CCNL1: variants seen among roughly 807,000 people sequenced by gnomAD.
CCNL1 encodes cyclin L1, also known as cyclin-L1.
CCNL1 carries 13 observed loss-of-function variants against 60.6 expected under a neutral mutation model. That is an observed-to-expected ratio of 0.21 (90% CI 0.14 to 0.34). CCNL1 has a LOEUF of 0.34. CCNL1 is among the 10% of genes least tolerant of loss of function. The pLI, the probability that CCNL1 is intolerant of heterozygous loss-of-function variation, is 1.00. For synonymous variants in CCNL1, 270 were observed against 244.3 expected, an observed-to-expected ratio of 1.10 and a Z score of -0.98; for missense variants, 481 against 664.3, an observed-to-expected ratio of 0.72 and a Z score of 3.03.
At chr3:157,157,174 A>G in intron 3 of CCNL1, 1 of 1,118,302 alleles carries the variant, frequency 8.9e-7, no homozygotes, top group Admixed American at 2.3e-5. Flanking sequence ...GCATAGAAAC[A>G]CTTTTACATC....
intron 5 of CCNL1, chr3:157,151,168 T>C (rs948989644): frequency 3.0e-6 from 3 of 983,830 alleles, no homozygotes; most frequent in Non-Finnish European, 2.4e-6. Context: ...TAAAATGTCA[T>C]GCATTTTATA....
At chr3:157,157,520 T>C (rs1738712244) in intron 3 of CCNL1, among the ~76,000 whole-genome samples, 1 of 152,232 alleles carries the variant, frequency 6.6e-6, no homozygotes, top group Non-Finnish European at 1.5e-5. Context: ...GATAGAGCCT[T>C]GTATTAGTGT....
At chr3:157,154,929 T>TATATATAC (rs1005980469) in intron 3 of CCNL1, among the ~76,000 whole-genome samples, 10 of 127,930 alleles carry the variant, frequency 7.8e-5, no homozygotes, top group Non-Finnish European at 1.4e-4. Context: ...TCTCTCTCCA[T>TATATATAC]ATATATACAT....
chr3:157,159,233 T>C (rs1738865247), intron 2 of CCNL1, 172 bp downstream of exon 2: 1 of 665,550 alleles, frequency 1.5e-6, no homozygotes, highest in Non-Finnish European at 2.6e-6. Context: ...CTTAGGCTCG[T>C]GATCGATTTT....
chr3:157,151,981 A>G, intron 5 of CCNL1, 196 bp downstream of exon 5: 1 of 1,392,244 alleles, frequency 7.2e-7, no homozygotes, highest in East Asian at 3.0e-5. Flanking sequence ...GTTCTCCATT[A>G]AAAGTAATTA....
intron 1 of CCNL1, 121 bp downstream of exon 1, chr3:157,159,671 C>G (rs1577082428): frequency 1.8e-5 from 20 of 1,119,410 alleles, no homozygotes; most frequent in Non-Finnish European, 2.2e-5. Context: ...GGCTGGGCCC[C>G]GAACGGGAAA....
chr3:157,153,022 A>C lies in CCNL1; in HGVS notation c.609+14T>G. ...TAATACTTACGAACCCAATTTCTGTACTCTACAACTCACCTTATGAGGATG... is the reference window on the plus strand; with the variant it reads ...TAATACTTACGAACCCAATTTCTGTCCTCTACAACTCACCTTATGAGGATG... On this transcript the variant is annotated intron_variant, in intron 4 of 10. Transcript: ENST00000295926. 1.2e-6 allele frequency: 2 copies of C among 1,612,212 alleles called. No individual in the cohort carries two copies. Among genetic ancestry groups the C allele is most frequent in the Non-Finnish European group, 1.7e-6 (2 of 1,179,224 alleles).
chr3:157,159,617 T>C (rs1738916317), intron 1 of CCNL1, 138 bp from the exon 2 acceptor site: 1 of 977,828 alleles, frequency 1.0e-6, no homozygotes, highest in Non-Finnish European at 1.5e-6. Flanking sequence ...TGCCAAGTCC[T>C]CCCTCCGCCT....
In CCNL1 at chr3:157,148,224, C is replaced by G. The variant is rs780626373; in HGVS notation, c.*17G>C. 7 of 1,606,010 alleles carry G rather than the reference C, an allele frequency of 4.4e-6. No homozygotes were observed. In the South Asian group the frequency reaches 7.8e-5, roughly 18 times the overall value. On this transcript the variant is annotated 3_prime_UTR_variant, in exon 11 of 11. Transcript: ENST00000295926. ...AGGCAAAACCAAGAACTGATGCAGG[C>G]TCAAAGGAAGAGAAAGTCAGCGCCT...
Position 157,148,330 on chromosome 3 carries a change from T to G in CCNL1, c.1492A>C (p.Arg498=). ...TCAAAGGAGCGAGATCGTTCACGCC[T>G]GTCCCTATGATGTCCCCTTTCATGC... ...HRHERGHHRD[R]RERSRSFERS... The change falls in exon 11 of 11, where the codon AGG becomes CGG. Residue 498 remains arginine, a synonymous_variant. Transcript: ENST00000295926. 1.2e-6 allele frequency: 2 copies of G among 1,614,238 alleles called. No individual in the cohort carries two copies. Among genetic ancestry groups the G allele is most frequent in the Non-Finnish European group, 1.7e-6 (2 of 1,180,034 alleles).
intron 3 of CCNL1, chr3:157,156,859 C>A: frequency 8.5e-7 from 1 of 1,172,438 alleles, no homozygotes; most frequent in Admixed American, 2.7e-5. Flanking sequence ...AGCTATAGTT[C>A]TAATAACTTG....
intron 5 of CCNL1, chr3:157,150,736 T>C (rs1208030470): frequency 9.9e-7 from 1 of 1,015,094 alleles, no homozygotes; most frequent in Admixed American, 5.3e-5. Flanking sequence ...ACTCCAATAA[T>C]ACTTCAAGCC....
intron 3 of CCNL1, among the ~76,000 whole-genome samples, chr3:157,155,058 CTT>C (rs1174081329): frequency 6.6e-6 from 1 of 152,066 alleles, no homozygotes; most frequent in Non-Finnish European, 1.5e-5. Context: ...ACTTCAGACT[CTT>C]TTTAACTTAT....
rs565361627 is a variant in CCNL1, at chr3:157,158,077, A to G, written c.488+789T>C. On this transcript the variant is annotated intron_variant, in intron 3 of 10. Transcript: ENST00000295926. ...GCAGCATGTACTGGAAGTCACCTGTAGATGCAGGAAGTCCTGCAACAAACT... is the reference window on the plus strand; with the variant it reads ...GCAGCATGTACTGGAAGTCACCTGTGGATGCAGGAAGTCCTGCAACAAACT... Among the ~76,000 whole-genome samples the G allele has an allele frequency of 1.4e-3, 215 of 152,354 alleles. 1 individual carries two copies. The highest frequency in any genetic ancestry group is 4.8e-3 in the African/African-American group (199 of 41,584).
chr3:157,156,804 G>T, intron 3 of CCNL1: 1 of 625,348 alleles, frequency 1.6e-6, no homozygotes. Flanking sequence ...GTATAATACT[G>T]ATAGTACTTT....
chr3:157,147,762 T>G lies in CCNL1; in HGVS notation c.*479A>C. 1.0e-6 allele frequency: 1 copy of G among 980,888 alleles called. No individual in the cohort carries two copies. Among genetic ancestry groups the G allele is most frequent in the South Asian group, 4.8e-5 (1 of 21,022 alleles). 60.8% of individuals were successfully genotyped at this position (980,888 alleles called of 1,614,324 possible). A position where few individuals can be genotyped will look rare whatever the true frequency, so the allele number is the denominator to read the frequency against. On this transcript the variant is annotated 3_prime_UTR_variant, in exon 11 of 11. Transcript: ENST00000295926. ...CATTTTGCTATTAAAATTTTCCTTT[T>G]TAATAATTTATTTAAATAAGGTATT...
rs1737856660 is a variant in CCNL1, at chr3:157,147,907, A to G, written c.*334T>C. The G allele has an allele frequency of 1.9e-6, 2 of 1,029,348 alleles. No homozygotes were observed. The allele number at this position is 1,029,348 out of a possible 1,614,324, so 63.8% of individuals were successfully genotyped here. A position where few individuals can be genotyped will look rare whatever the true frequency, so the allele number is the denominator to read the frequency against. On this transcript the variant is annotated 3_prime_UTR_variant, in exon 11 of 11. Transcript: ENST00000295926. ...CATTTAAACAAATAACCACTTAAAT[A>G]GAACAGTGTCTGCAATTTTATCTGT... is the stretch of plus-strand genomic sequence containing the variant.
intron 4 of CCNL1, 143 bp downstream of exon 4, chr3:157,152,893 T>C: frequency 7.1e-7 from 1 of 1,417,956 alleles, no homozygotes; most frequent in Non-Finnish European, 9.2e-7. Flanking sequence ...CAAAAGAATG[T>C]TTTTCGATGA....
downstream of CCNL1, among the ~76,000 whole-genome samples, chr3:157,144,290 T>C (rs982704343): frequency 1.3e-5 from 2 of 152,244 alleles, no homozygotes; most frequent in Admixed American, 1.3e-4. Flanking sequence ...CAGCTATCTT[T>C]TGAACTGTGT....
Sources: allele counts gnomAD v4.1 joint callset (sites outside exome capture counted in the v4.1 genomes callset), GRCh38; gene constraint gnomAD v4.1.1; transcripts MANE v1.5; gene names NCBI Gene and HGNC (gene_info 2026-07-23, HGNC 2026-07-21).